ATG16L2: variants seen among roughly 807,000 people sequenced by gnomAD.
The protein encoded by ATG16L2 is autophagy related 16 like 2.
A neutral mutation model predicts 84.7 loss-of-function variants in ATG16L2; 77 were observed. That is an observed-to-expected ratio of 0.91 (90% confidence interval 0.76 to 1.10). ATG16L2 has a LOEUF of 1.10. Ranked by LOEUF, ATG16L2 falls within the 50% of genes least tolerant of loss-of-function variation. ATG16L2 has a pLI of 0.00. For synonymous variants in ATG16L2, 361 were observed against 342.8 expected (o/e 1.05, Z -0.59); for missense variants, 782 against 817.6 (o/e 0.96, Z 0.53).
At chr11:72,820,604 A>G (rs1565262082) in intron 3 of ATG16L2, among the ~76,000 whole-genome samples, 1 of 152,258 alleles carries the variant, frequency 6.6e-6, no homozygotes, top group South Asian at 2.1e-4. Flanking sequence ...CCGCATGTGC[A>G]GATTCCTTCT....
At chr11:72,842,490 C>G (rs1860990836) in intron 5 of ATG16L2, 1 of 1,066,910 alleles carries the variant, frequency 9.4e-7, no homozygotes, top group South Asian at 1.6e-5. Flanking sequence ...TGCAGTTGTG[C>G]AGACACTGGC....
chr11:72,821,220 C>A (rs914446865), intron 3 of ATG16L2: 1 of 992,320 alleles, frequency 1.0e-6, no homozygotes, highest in Non-Finnish European at 1.2e-6. Context: ...GTACCAGCCT[C>A]CTGGTGTGGT....
chr11:72,828,259 G>C, intron 14 of ATG16L2, 100 bp from the exon 15 acceptor site: 1 of 1,414,456 alleles, frequency 7.1e-7, no homozygotes. Flanking sequence ...GGGTTCCTCC[G>C]GACTTGGTTA....
At position 72,841,357 on chromosome 11, in the gene ATG16L2, AAAAAAAAGC is replaced by A; in HGVS notation, c.*22-1256_*22-1248del. The A allele has an allele frequency of 2.6e-6, 3 of 1,162,242 alleles. No homozygotes were observed. In the South Asian group the frequency reaches 4.3e-5, roughly 17 times the overall value. The allele number at this position is 1,162,242 out of a possible 1,614,324, so 72.0% of individuals were successfully genotyped here. A position where few individuals can be genotyped will look rare whatever the true frequency, so the allele number is the denominator to read the frequency against. The stretch of plus-strand genomic sequence containing the variant: ...TCTGTCTCCAAAAAAAAAAAAAAAA[AAAAAAAAGC>A]AAATGCAGTTTTTTTTTGCCCTTCA... On this transcript the variant is annotated intron_variant, in intron 5 of 5. Transcript: ENST00000534905.
At position 72,814,550 on chromosome 11, in the gene ATG16L2, GC is replaced by G; in HGVS notation, c.106del (p.Leu36TrpfsTer9). The G allele has an allele frequency of 6.3e-7, 1 of 1,575,058 alleles. No individual in the cohort carries two copies. Among genetic ancestry groups the G allele is most frequent in the Non-Finnish European group, 8.6e-7 (1 of 1,159,102 alleles). On this transcript the variant is annotated frameshift_variant, in exon 1 of 18. Coordinates refer to ENST00000321297, the MANE Select transcript of ATG16L2 (RefSeq NM_033388.2). LOFTEE classifies it high-confidence loss of function. ...GTACGCAAAAGGCGCTTTTCCTGGA[GC>G]TGGTGCCGGCCTGTGAGTGCGCCCC... is the stretch of plus-strand genomic sequence containing the variant. ...DRTQKALFLE[L>X]VPAYNHLLEK...
Position 72,829,497 on chromosome 11 carries a change from TG to T in ATG16L2, c.*111del. On this transcript the variant is annotated 3_prime_UTR_variant, in exon 18 of 18. Transcript: ENST00000321297. The stretch of plus-strand genomic sequence containing the variant: ...GACTGGAGCTGGCCTTGGGATTTAA[TG>T]GGGAAGAAGGCCTGGCAGGACCTGG... 6.8e-7 allele frequency: 1 copy of T among 1,469,106 alleles called. No individual in the cohort carries two copies. Among genetic ancestry groups the T allele is most frequent in the Non-Finnish European group, 9.0e-7 (1 of 1,109,492 alleles). 91.0% of individuals were successfully genotyped at this position (1,469,106 alleles called of 1,614,324 possible). A position where few individuals can be genotyped will look rare whatever the true frequency, so the allele number is the denominator to read the frequency against.
intron 5 of ATG16L2, chr11:72,840,892 A>G (rs1427883764): frequency 1.9e-6 from 3 of 1,612,002 alleles, no homozygotes; most frequent in East Asian, 2.2e-5. Context: ...GCAGTTTGCC[A>G]TATGAGGTCT....
Position 72,828,744 on chromosome 11 carries a change from G to A in ATG16L2, c.1638G>A (p.Lys546=). The change falls in exon 16 of 18, where the codon AAG becomes AAA. Residue 546 remains lysine, a synonymous_variant. Transcript: ENST00000321297. ...IRQVFRADGF[K]CGSDWTKAVF... is the part of the protein sequence containing the mutation. ...CTGTCCTCAGGGCCGATGGCTTCAAGTGTGGTTCTGACTGGACCAAAGCTG... is the reference window on the plus strand; with the variant it reads ...CTGTCCTCAGGGCCGATGGCTTCAAATGTGGTTCTGACTGGACCAAAGCTG... 1 of 1,614,226 alleles carries A rather than the reference G, an allele frequency of 6.2e-7. No homozygotes were observed. Among genetic ancestry groups the A allele is most frequent in the Non-Finnish European group, 8.5e-7 (1 of 1,180,038 alleles).
chr11:72,838,559 C>T (rs1280563643), intron 5 of ATG16L2: 1 of 560,164 alleles, frequency 1.8e-6, no homozygotes, highest in Non-Finnish European at 3.2e-6. Context: ...CTAGGGTCCG[C>T]TAGGATTTGT....
rs1860291790 is a variant in ATG16L2 at position 72,825,420 on chromosome 11, C to T, written c.1102+13C>T. 1 of 1,604,218 alleles carries T rather than the reference C, an allele frequency of 6.2e-7. No individual in the cohort carries two copies. Among genetic ancestry groups the T allele is most frequent in the Non-Finnish European group, 8.5e-7 (1 of 1,175,336 alleles). On this transcript the variant is annotated intron_variant, in intron 10 of 17. Coordinates refer to ENST00000321297, the MANE Select transcript of ATG16L2 (RefSeq NM_033388.2). ...AATGTTGTGGGAAGTAAGGAGCCCTCCCCTGCCGGCCAACTTGGTGCTTCT... is the reference window on the plus strand; with the variant it reads ...AATGTTGTGGGAAGTAAGGAGCCCTTCCCTGCCGGCCAACTTGGTGCTTCT...
rs1416927182 is a variant in ATG16L2 at position 72,822,514 on chromosome 11, G to T, written c.681G>T (p.Lys227Asn). ...KQARVSQELK[K>N]AAKRTVSISE... ...CGCGGGTGTCCCAGGAGCTGAAGAA[G>T]GCTGCCAAGCGGACCGTGAGCATCA... The change falls in exon 6 of 18, where the codon AAG becomes AAT. Residue 227 changes from lysine to asparagine, a missense_variant. Lys to Asn is a moderately conservative substitution (Grantham distance 94). Transcript: ENST00000321297. This position sits in a 1 kb window ranked among gnomAD's most constrained non-coding sequence, Gnocchi z 4.2. 2 of 1,613,116 alleles carry T rather than the reference G, an allele frequency of 1.2e-6. No homozygotes were observed. Among genetic ancestry groups the T allele is most frequent in the South Asian group, 2.2e-5 (2 of 91,046 alleles).
At chr11:72,825,200 G>T in intron 9 of ATG16L2, 102 bp from the exon 10 acceptor site, 1 of 866,452 alleles carries the variant, frequency 1.2e-6, no homozygotes, top group Non-Finnish European at 1.9e-6. Flanking sequence ...TACCACGTCT[G>T]CAGCAGGCTG....
Position 72,828,923 on chromosome 11 carries a change from G to T in ATG16L2, c.1711G>T (p.Ala571Ser). 6.2e-7 allele frequency: 1 copy of T among 1,614,186 alleles called. No individual in the cohort carries two copies. Among genetic ancestry groups the T allele is most frequent in the Non-Finnish European group, 8.5e-7 (1 of 1,180,036 alleles). The change falls in exon 17 of 18, where the codon GCC (alanine) becomes TCC (serine). Residue 571 changes from alanine to serine, a missense_variant. Physicochemically the swap from Ala to Ser is moderately conservative, Grantham distance 99. Coordinates refer to ENST00000321297, the MANE Select transcript of ATG16L2 (RefSeq NM_033388.2). ...TGCACTGGCAGGCTCCTGTGATGGG[G>T]CCCTTTACATCTGGGATGTGGACAC... ...SYALAGSCDG[A>S]LYIWDVDTGK...
chr11:72,842,579 C>T, intron 5 of ATG16L2: 1 of 1,611,462 alleles, frequency 6.2e-7, no homozygotes, highest in South Asian at 1.1e-5. Context: ...GAGCAATTTT[C>T]TTTAAACATC....
intron 3 of ATG16L2, among the ~76,000 whole-genome samples, chr11:72,819,820 G>A (rs1272854763): frequency 2.0e-5 from 3 of 151,516 alleles, no homozygotes; most frequent in East Asian, 1.9e-4. Context: ...ATCTCGGCTC[G>A]CTGCAACCTC....
chr11:72,841,303 C>A, intron 5 of ATG16L2: 1 of 796,482 alleles, frequency 1.3e-6, no homozygotes, highest in Non-Finnish European at 1.9e-6. Context: ...TGAACTCCAG[C>A]CTGGGTGTCC....
intron 7 of ATG16L2, chr11:72,823,522 C>T: frequency 2.6e-6 from 1 of 380,998 alleles, no homozygotes; most frequent in South Asian, 1.9e-5. Flanking sequence ...GCGCCATTCC[C>T]CAGCCTAACA....
In ATG16L2 at chr11:72,821,135, C is replaced by T. The variant is rs1032544721; in HGVS notation, c.319-533C>T. On this transcript the variant is annotated intron_variant, in intron 3 of 17. Transcript: ENST00000321297. Reference sequence around the variant, plus strand: ...TTAGGTAGGTGGCTTGTGCCCAAATCTCTTAGCTACGTGACTTTGGGCAAG... The same window carrying T: ...TTAGGTAGGTGGCTTGTGCCCAAATTTCTTAGCTACGTGACTTTGGGCAAG... 3.5e-5 allele frequency: 29 copies of T among 822,018 alleles called. No individual in the cohort carries two copies. In the African/African-American group the frequency reaches 4.3e-4, roughly 12 times the overall value. 50.9% of individuals were successfully genotyped at this position (822,018 alleles called of 1,614,324 possible). A position where few individuals can be genotyped will look rare whatever the true frequency, so the allele number is the denominator to read the frequency against.
At position 72,822,226 on chromosome 11, in the gene ATG16L2, T is replaced by C; in HGVS notation, c.575T>C (p.Leu192Pro). The change falls in exon 5 of 18, where the codon CTG (leucine) becomes CCG (proline). Residue 192 changes from leucine to proline, a missense_variant. Leu to Pro is a moderately conservative substitution (Grantham distance 98). Coordinates refer to ENST00000321297, the MANE Select transcript of ATG16L2 (RefSeq NM_033388.2). This position sits in a 1 kb window ranked among gnomAD's most constrained non-coding sequence, Gnocchi z 4.2. ...CTCCAGGAAGAGGCGCGCGACCTGCTGGAGAGGCTCGTGCAGCGCAAGGCG... is the reference window on the plus strand; with the variant it reads ...CTCCAGGAAGAGGCGCGCGACCTGCCGGAGAGGCTCGTGCAGCGCAAGGCG... ...RRLQEEARDL[L>P]ERLVQRKARA... is the part of the protein sequence containing the mutation. 4.7e-6 allele frequency: 7 copies of C among 1,505,094 alleles called. No homozygotes were observed. The highest frequency in any genetic ancestry group is 2.6e-5 in the East Asian group (1 of 38,786). The allele number at this position is 1,505,094 out of a possible 1,614,324, so 93.2% of individuals were successfully genotyped here. A position where few individuals can be genotyped will look rare whatever the true frequency, so the allele number is the denominator to read the frequency against.
Sources: allele counts gnomAD v4.1 joint callset (sites outside exome capture counted in the v4.1 genomes callset), GRCh38; gene constraint gnomAD v4.1.1; non-coding constraint Gnocchi (gnomAD v3.1); transcripts MANE v1.5; gene names NCBI Gene and HGNC (gene_info 2026-07-23, HGNC 2026-07-21).